EYS: variants seen among roughly 807,000 people sequenced by gnomAD.
EYS encodes the protein protein eyes shut homolog.
A neutral mutation model predicts 282.1 loss-of-function variants in EYS; 250 were observed. That is an observed-to-expected ratio of 0.89 (90% CI 0.80 to 0.98). EYS has a LOEUF of 0.98. Among genes scored for constraint, EYS ranks in the 50% least tolerant of loss-of-function variants. The probability of loss-of-function intolerance (pLI) is 0.00; values close to 1 mark genes in which losing one functional copy is unlikely to be tolerated. For missense variants in EYS, 4,016 were observed against 3,709.0 expected, an observed-to-expected ratio of 1.08 and a Z score of -2.15; for synonymous variants, 1,355 against 1,282.9, an observed-to-expected ratio of 1.06 and a Z score of -1.20.
chr6:65,424,919 G>A (rs190319405), intron 5 of EYS, among the ~76,000 whole-genome samples: 25 of 152,002 alleles, frequency 1.6e-4, no homozygotes, highest in East Asian at 1.2e-3. Flanking sequence ...AATTTACTCC[G>A]GGAAGGCAAA....
At chr6:65,090,612 A>G in intron 12 of EYS, among the ~76,000 whole-genome samples, 1 of 152,262 alleles carries the variant, frequency 6.6e-6, no homozygotes, top group Non-Finnish European at 1.5e-5. Flanking sequence ...ATGAATGGAA[A>G]CAGAAGAGAA....
chr6:64,580,825 A>G (rs1208041985), intron 26 of EYS, among the ~76,000 whole-genome samples: 3 of 152,130 alleles, frequency 2.0e-5, no homozygotes, highest in Non-Finnish European at 4.4e-5. Context: ...TGGAGTTGTA[A>G]TAAACAGACA....
chr6:64,559,714 A>G (rs1765338640), intron 26 of EYS, among the ~76,000 whole-genome samples: 1 of 152,072 alleles, frequency 6.6e-6, no homozygotes, highest in Admixed American at 6.6e-5. Flanking sequence ...AACAACTTAG[A>G]ATTTTTGAAA....
rs191612385 is a variant in EYS, at chr6:65,632,564, T to A, written c.-333+7214A>T. Among the ~76,000 whole-genome samples the A allele has an allele frequency of 1.6e-3, 243 of 152,374 alleles. 1 individual carries two copies. The highest frequency in any genetic ancestry group is 3.5e-3 in the South Asian group (17 of 4,834). ...CTCTATCATATTCCAAATTTCATTT[T>A]ATGCTACAGGTTAGCATATCAATTA... is the stretch of plus-strand genomic sequence containing the variant. On this transcript the variant is annotated intron_variant, in intron 2 of 42. Coordinates refer to ENST00000503581, the MANE Select transcript of EYS (RefSeq NM_001142800.2).
chr6:64,605,313 A>G (rs1766893198), intron 24 of EYS, among the ~76,000 whole-genome samples: 1 of 151,960 alleles, frequency 6.6e-6, no homozygotes, highest in Non-Finnish European at 1.5e-5. Context: ...TTAAAAGCAA[A>G]AAAAGTTTGA....
chr6:65,555,349 T>C (rs1768756630), intron 2 of EYS, among the ~76,000 whole-genome samples: 1 of 152,108 alleles, frequency 6.6e-6, no homozygotes, highest in African/African-American at 2.4e-5. Context: ...AAGAAATAAA[T>C]TTACCACCTA....
intron 22 of EYS, among the ~76,000 whole-genome samples, chr6:64,724,001 G>T (rs1218307130): frequency 6.6e-6 from 1 of 151,984 alleles, no homozygotes; most frequent in Non-Finnish European, 1.5e-5. Flanking sequence ...GCCTCCATCT[G>T]CTAACACATC....
Position 64,249,063 on chromosome 6 carries a change from C to CAAAAAAAAAAAAAAAAAAAA in EYS, c.6192-18259_6192-18240dup, listed in dbSNP as rs34663169. ...TGGGCTACAGAGTGACACCCTGTCT[C>CAAAAAAAAAAAAAAAAAAAA]AAAAAAAAAAAAAAAAAAAAAAGAT... On this transcript the variant is annotated intron_variant, in intron 30 of 42. Coordinates refer to ENST00000503581, the MANE Select transcript of EYS (RefSeq NM_001142800.2). Among the ~76,000 whole-genome samples the CAAAAAAAAAAAAAAAAAAAA allele has an allele frequency of 7.1e-4, 50 of 70,046 alleles. 1 individual carries two copies. The highest frequency in any genetic ancestry group is 2.0e-3 in the African/African-American group (28 of 14,220). 46.0% of individuals were successfully genotyped at this position (70,046 alleles called of 152,430 possible).
intron 29 of EYS, among the ~76,000 whole-genome samples, chr6:64,337,615 C>T (rs1770904193): frequency 6.6e-6 from 1 of 151,972 alleles, no homozygotes; most frequent in Admixed American, 6.6e-5. Context: ...GGGAACCCTC[C>T]CTAATTCATT....
Position 63,933,295 on chromosome 6 carries a change from C to T in EYS, c.7055+51088G>A, listed in dbSNP as rs914926221. 5.3e-5 allele frequency among the ~76,000 whole-genome samples: 8 copies of T among 152,166 alleles called. No homozygotes were observed. The South Asian group carries it at 6.2e-4, about 12-fold the overall frequency. ...TCTCCCAGGCTGGAGTGCAGTGGCG[C>T]GATCTTGGCTCACTGCAACCTCCAC... On this transcript the variant is annotated intron_variant, in intron 35 of 42. Transcript: ENST00000503581.
intron 35 of EYS, among the ~76,000 whole-genome samples, chr6:63,921,983 C>T (rs1764585305): frequency 6.6e-6 from 1 of 152,158 alleles, no homozygotes; most frequent in South Asian, 2.1e-4. Context: ...GGGGCCTAAC[C>T]TAATAAGACT....
chr6:64,490,941 A>C (rs1001470139), intron 26 of EYS, among the ~76,000 whole-genome samples: 1 of 150,870 alleles, frequency 6.6e-6, no homozygotes, highest in African/African-American at 2.4e-5. Flanking sequence ...CTTTAAATAC[A>C]TCAACACCAC....
intron 40 of EYS, among the ~76,000 whole-genome samples, chr6:63,777,119 AT>A (rs1203465382): frequency 3.3e-4 from 50 of 151,882 alleles, no homozygotes; most frequent in Admixed American, 3.3e-3. Context: ...CAAACTATAC[AT>A]TTTTTTTCTC....
chr6:64,531,796 T>G (rs1764352115), intron 26 of EYS, among the ~76,000 whole-genome samples: 1 of 152,076 alleles, frequency 6.6e-6, no homozygotes, highest in South Asian at 2.1e-4. Context: ...ATGCAGGGAC[T>G]GTGGTGGATT....
intron 21 of EYS, among the ~76,000 whole-genome samples, chr6:64,815,868 T>C (rs1306523533): frequency 6.6e-6 from 1 of 152,036 alleles, no homozygotes; most frequent in Non-Finnish European, 1.5e-5. Context: ...AGGGCAGTGA[T>C]ATATTCATTG....
At chr6:64,275,509 C>T (rs1768081356) in intron 30 of EYS, among the ~76,000 whole-genome samples, 1 of 148,384 alleles carries the variant, frequency 6.7e-6, no homozygotes, top group African/African-American at 2.5e-5. Flanking sequence ...TGGTGTGATC[C>T]GGGTTCACGC....
At chr6:65,296,575 C>T (rs1046418107) in intron 11 of EYS, among the ~76,000 whole-genome samples, 3 of 151,582 alleles carry the variant, frequency 2.0e-5, no homozygotes, top group Non-Finnish European at 4.4e-5. Context: ...GTTTGTCACT[C>T]AATGCAATTA....
chr6:65,571,469 A>G (rs1482479245), intron 2 of EYS, among the ~76,000 whole-genome samples: 1 of 152,030 alleles, frequency 6.6e-6, no homozygotes, highest in African/African-American at 2.4e-5. Flanking sequence ...CTTTATAAAT[A>G]TACTTTTCCC....
chr6:64,825,738 T>C (rs1193039664), intron 19 of EYS, among the ~76,000 whole-genome samples: 1 of 151,858 alleles, frequency 6.6e-6, no homozygotes, highest in African/African-American at 2.4e-5. Flanking sequence ...CAAAGACATG[T>C]TCATGTGTGA....
Sources: gnomAD v4.1 joint callset for allele counts (sites outside exome capture counted in the v4.1 genomes callset) on GRCh38, gnomAD v4.1.1 for gene constraint, MANE v1.5 for transcripts, NCBI Gene and HGNC (gene_info 2026-07-23, HGNC 2026-07-21) for gene names.